LRP6: variants seen among roughly 807,000 people sequenced by gnomAD.
The protein encoded by LRP6 is LDL receptor related protein 6, also known as low-density lipoprotein receptor-related protein 6.
Under a neutral mutation model 184.1 loss-of-function variants are expected in LRP6, and 43 were observed. The ratio of observed to expected loss-of-function variants is 0.23; its 90% confidence interval spans 0.18 to 0.30. The LOEUF is 0.30. Among genes scored for constraint, LRP6 ranks in the 10% least tolerant of loss-of-function variants. The pLI is 1.00. For synonymous variants in LRP6, 719 were observed against 684.9 expected (o/e 1.05, Z -0.78); for missense variants, 1,571 against 2,005.3 (o/e 0.78, Z 4.14).
intron 14 of LRP6, among the ~76,000 whole-genome samples, chr12:12,148,269 G>C (rs868171761): frequency 1.3e-4 from 20 of 151,740 alleles, no homozygotes; most frequent in Admixed American, 5.3e-4. Flanking sequence ...TGACTAGAGA[G>C]ACCTTAACAC....
At chr12:12,231,279 T>A (rs1287545082) in intron 2 of LRP6, among the ~76,000 whole-genome samples, 1 of 150,110 alleles carries the variant, frequency 6.7e-6, no homozygotes, top group African/African-American at 2.4e-5. Context: ...AAACTTCTGT[T>A]CCAATGACAA....
intron 2 of LRP6, among the ~76,000 whole-genome samples, chr12:12,214,054 T>C (rs1257552802): frequency 6.6e-6 from 1 of 152,114 alleles, no homozygotes; most frequent in Non-Finnish European, 1.5e-5. Flanking sequence ...TCTTAGACTT[T>C]TACCATTACC....
At chr12:12,253,374 C>A (rs1271073979) in intron 1 of LRP6, among the ~76,000 whole-genome samples, 1 of 152,136 alleles carries the variant, frequency 6.6e-6, no homozygotes, top group Admixed American at 6.5e-5. Context: ...ACTTCCTTGC[C>A]AATTTCATTA....
At chr12:12,212,795 G>A (rs180710127) in intron 2 of LRP6, among the ~76,000 whole-genome samples, 318 of 152,128 alleles carry the variant, frequency 2.1e-3, no homozygotes, top group African/African-American at 6.6e-3. Flanking sequence ...TGCTCTATGA[G>A]AACTTCAACT....
Position 12,187,106 on chromosome 12 carries a change from T to C in LRP6, c.661A>G (p.Lys221Glu), listed in dbSNP as rs777190050. The C allele has an allele frequency of 4.1e-5, 66 of 1,614,034 alleles. No individual in the cohort carries two copies. Among genetic ancestry groups the C allele is most frequent in the Non-Finnish European group, 5.4e-5 (64 of 1,180,002 alleles). Residue 221 changes from lysine (K) to glutamate (E), a missense_variant, in exon 4 of 23, where the codon AAA (lysine) becomes GAA (glutamate). Coordinates refer to ENST00000261349, the MANE Select transcript of LRP6 (RefSeq NM_002336.3). ...LDGTNRQAVV[K>E]GSLPHPFALT... ...GCAAAAGGATGTGGAAGGGAACCTT[T>C]AACCACTGCCTGCCTATTAACATAA...
At chr12:12,146,133 T>C (rs1374822632) in intron 15 of LRP6, among the ~76,000 whole-genome samples, 1 of 152,246 alleles carries the variant, frequency 6.6e-6, no homozygotes, top group Non-Finnish European at 1.5e-5. Context: ...ATAGAATGTA[T>C]TTCTCCATGA....
At chr12:12,215,471 A>G (rs61248668) in intron 2 of LRP6, among the ~76,000 whole-genome samples, 8,342 of 151,754 alleles carry the variant, frequency 0.055, 248 homozygotes, top group Middle Eastern at 0.16. Context: ...TGTTGCCCAA[A>G]CTGGAGTGCA....
chr12:12,130,910 A>T lies in LRP6; in HGVS notation c.3971-17T>A. 1 of 1,361,830 alleles carries T rather than the reference A, an allele frequency of 7.3e-7. No homozygotes were observed. The highest frequency in any genetic ancestry group is 1.2e-5 in the South Asian group (1 of 85,846). 84.4% of individuals were successfully genotyped at this position (1,361,830 alleles called of 1,614,324 possible). A position where few individuals can be genotyped will look rare whatever the true frequency, so the allele number is the denominator to read the frequency against. ...AACAAAGCACTGGAAAAAAAACATA[A>T]ATAGTTTCCTTATTTTTAATATCAT... On this transcript the variant is annotated splice_polypyrimidine_tract_variant and intron_variant, in intron 18 of 22. Transcript: ENST00000261349.
At chr12:12,189,972 C>CTA (rs1863569478) in intron 3 of LRP6, among the ~76,000 whole-genome samples, 1 of 152,162 alleles carries the variant, frequency 6.6e-6, no homozygotes, top group South Asian at 2.1e-4. Flanking sequence ...GAGTAAAACT[C>CTA]TAGCTTATTT....
chr12:12,227,120 T>A (rs1210396103), intron 2 of LRP6, among the ~76,000 whole-genome samples: 2 of 151,918 alleles, frequency 1.3e-5, no homozygotes, highest in Non-Finnish European at 2.9e-5. Context: ...AAATAGAGAA[T>A]AGAGCGAAAT....
chr12:12,214,427 A>C (rs1864287698), intron 2 of LRP6, among the ~76,000 whole-genome samples: 1 of 152,234 alleles, frequency 6.6e-6, no homozygotes, highest in African/African-American at 2.4e-5. Flanking sequence ...CAGTCAGCTT[A>C]CTAAAAACCC....
intron 2 of LRP6, among the ~76,000 whole-genome samples, chr12:12,228,538 T>C (rs1359542854): frequency 6.6e-6 from 1 of 152,212 alleles, no homozygotes; most frequent in South Asian, 2.1e-4. Context: ...CCCCAGGCTG[T>C]GGACCAGTAG....
At chr12:12,242,965 A>G (rs777881192) in intron 2 of LRP6, among the ~76,000 whole-genome samples, 11 of 152,256 alleles carry the variant, frequency 7.2e-5, no homozygotes, top group Non-Finnish European at 1.3e-4. Context: ...CATTTATTAC[A>G]TAAAAAGAAT....
At chr12:12,260,793 TAAC>T (rs1196339435) in intron 1 of LRP6, among the ~76,000 whole-genome samples, 2 of 152,214 alleles carry the variant, frequency 1.3e-5, no homozygotes, top group Non-Finnish European at 2.9e-5. Flanking sequence ...TTGGCCTGTT[TAAC>T]AACAAGCCAT....
At chr12:12,184,347 A>T (rs1863416097) in intron 4 of LRP6, among the ~76,000 whole-genome samples, 1 of 151,838 alleles carries the variant, frequency 6.6e-6, no homozygotes, top group South Asian at 2.1e-4. Context: ...AAAAGAGGTT[A>T]CAATTTAGTC....
chr12:12,131,520 G>C (rs1010128949), intron 18 of LRP6, among the ~76,000 whole-genome samples: 1 of 152,172 alleles, frequency 6.6e-6, no homozygotes, highest in Non-Finnish European at 1.5e-5. Context: ...AAATATGTTA[G>C]AGCGTAATTA....
chr12:12,141,119 A>G (rs1949928072), intron 15 of LRP6, among the ~76,000 whole-genome samples: 1 of 151,992 alleles, frequency 6.6e-6, no homozygotes, highest in African/African-American at 2.4e-5. Context: ...AAAGGACTAG[A>G]AAGGAAGAAG....
At chr12:12,186,893 C>T in intron 4 of LRP6, 30 bp downstream of exon 4, 1 of 1,598,178 alleles carries the variant, frequency 6.3e-7, no homozygotes, top group Non-Finnish European at 8.6e-7. Context: ...GCTGTTCCAA[C>T]TTGCAATTTA....
chr12:12,155,406 C>T, intron 12 of LRP6: 1 of 843,590 alleles, frequency 1.2e-6, no homozygotes, highest in Non-Finnish European at 2.0e-6. Flanking sequence ...GGGTACTGTT[C>T]AAAAGGAATG....
Sources: gnomAD v4.1 joint callset for allele counts (sites outside exome capture counted in the v4.1 genomes callset) on GRCh38, gnomAD v4.1.1 for gene constraint, MANE v1.5 for transcripts, NCBI Gene and HGNC (gene_info 2026-07-23, HGNC 2026-07-21) for gene names.